CHIC1: variants seen among roughly 807,000 people sequenced by gnomAD.
The protein encoded by CHIC1 is cysteine rich hydrophobic domain 1.
CHIC1 carries 7 observed loss-of-function variants against 18.5 expected under a neutral mutation model. The observed-to-expected ratio is 0.38, with a 90% CI of 0.22 to 0.71. The LOEUF is 0.71. Among genes scored for constraint, CHIC1 ranks in the 30% least tolerant of loss-of-function variants. The pLI is 0.49. For missense variants in CHIC1, 159 were observed against 176.9 expected, an observed-to-expected ratio of 0.90 and a Z score of 0.57; for synonymous variants, 77 against 73.5, an observed-to-expected ratio of 1.05 and a Z score of -0.25.
chrX:73,675,982 C>T (rs975006022), intron 3 of CHIC1, among the ~76,000 whole-genome samples: 1 of 111,004 alleles, frequency 9.0e-6, no homozygotes, highest in African/African-American at 3.3e-5. Flanking sequence ...ATTTCTCCTT[C>T]ACTTATGAAG....
chrX:73,644,443 T>C (rs1167922947), intron 3 of CHIC1, among the ~76,000 whole-genome samples: 1 of 112,566 alleles, frequency 8.9e-6, no homozygotes, highest in East Asian at 2.8e-4. Context: ...CTGCAGAGGT[T>C]ACTGCTGTCT....
In CHIC1 at chrX:73,563,377, G is replaced by A. The variant is rs1454372313; in HGVS notation, c.93G>A (p.Ser31=). 3.5e-6 allele frequency: 4 copies of A among 1,153,323 alleles called. No individual in the cohort carries two copies. The African/African-American group carries it at 7.4e-5, about 21-fold the overall frequency. ...AAGAAGCGGCAACGTCGTCGTCGTC[G>A]CCGTCGTCGTCGTCGTCGGTATCTG... ...EEEEAATSSS[S]PSSSSSVSGP... Residue 31 remains serine, a synonymous_variant, in exon 1 of 6, where the codon TCG becomes TCA. Transcript: ENST00000373502.
At chrX:73,581,896 C>T (rs1426742888) in intron 2 of CHIC1, among the ~76,000 whole-genome samples, 1 of 110,465 alleles carries the variant, frequency 9.1e-6, no homozygotes, top group African/African-American at 3.3e-5. Flanking sequence ...AATTTTATAA[C>T]AAATTTTATA....
intron 3 of CHIC1, among the ~76,000 whole-genome samples, chrX:73,659,378 T>C (rs2053506468): frequency 1.0e-5 from 1 of 97,545 alleles, no homozygotes; most frequent in African/African-American, 3.8e-5. Context: ...TTCTTTTTTT[T>C]TTTTTTTTTT....
chrX:73,601,744 A>G (rs1227864784), intron 3 of CHIC1, among the ~76,000 whole-genome samples: 1 of 105,826 alleles, frequency 9.4e-6, no homozygotes, highest in Non-Finnish European at 1.9e-5. Context: ...GACACAAAAA[A>G]CCCTTCAAAA....
chrX:73,579,679 C>T (rs1448099556), intron 2 of CHIC1, among the ~76,000 whole-genome samples: 1 of 110,173 alleles, frequency 9.1e-6, no homozygotes, highest in Non-Finnish European at 1.9e-5. Context: ...ACACAAAGAA[C>T]CCTTTGGTGT....
At chrX:73,618,270 C>G (rs1375279275) in intron 3 of CHIC1, among the ~76,000 whole-genome samples, 1 of 111,681 alleles carries the variant, frequency 9.0e-6, no homozygotes, top group African/African-American at 3.3e-5. Flanking sequence ...GGAGGTGGCA[C>G]TTTCAATAGA....
rs186713071 is a variant in CHIC1 at position 73,615,662 on chromosome X, G to A, written c.507+31090G>A. Among the ~76,000 whole-genome samples, 5 of 111,293 alleles carry A rather than the reference G, an allele frequency of 4.5e-5. No individual in the cohort carries two copies. In the East Asian group the frequency reaches 1.4e-3, roughly 32 times the overall value. On this transcript the variant is annotated intron_variant, in intron 3 of 5. Coordinates refer to ENST00000373502, the MANE Select transcript of CHIC1 (RefSeq NM_001039840.4). The stretch of plus-strand genomic sequence containing the variant: ...GCTGGAAAATGTGCTTGGGCACTTG[G>A]GGGGTGGGGTTGGTGGAGCTGGTCC...
chrX:73,677,916 CTT>C (rs772393452), intron 3 of CHIC1, among the ~76,000 whole-genome samples: 1 of 111,109 alleles, frequency 9.0e-6, no homozygotes, highest in Non-Finnish European at 1.9e-5. Context: ...TTTTTAATGC[CTT>C]TTTCAGGAAT....
chrX:73,659,689 A>G (rs1257435330), intron 3 of CHIC1, among the ~76,000 whole-genome samples: 1 of 111,861 alleles, frequency 8.9e-6, no homozygotes, highest in Non-Finnish European at 1.9e-5. Context: ...TGGTTCCCAT[A>G]AGGAAAACAT....
intron 1 of CHIC1, among the ~76,000 whole-genome samples, chrX:73,569,841 GC>G (rs1172954690): frequency 9.0e-6 from 1 of 111,502 alleles, no homozygotes; most frequent in African/African-American, 3.2e-5. Flanking sequence ...AGAGTATCAA[GC>G]CTACTTTGCC....
chrX:73,672,355 C>G (rs1044546805), intron 3 of CHIC1, among the ~76,000 whole-genome samples: 1 of 111,564 alleles, frequency 9.0e-6, no homozygotes, highest in East Asian at 2.9e-4. Context: ...CTGACTTCCA[C>G]AATGGTTGAA....
chrX:73,586,908 G>A (rs182801735), intron 3 of CHIC1, among the ~76,000 whole-genome samples: 1 of 111,803 alleles, frequency 8.9e-6, no homozygotes, highest in East Asian at 2.9e-4. Flanking sequence ...TTTAGCCTTT[G>A]TGAGCCAGAG....
intron 3 of CHIC1, among the ~76,000 whole-genome samples, chrX:73,640,727 AT>A (rs2057851682): frequency 9.0e-6 from 1 of 111,148 alleles, no homozygotes; most frequent in Non-Finnish European, 1.9e-5. Context: ...AATTGTATTT[AT>A]TTGGATCTCT....
intron 3 of CHIC1, among the ~76,000 whole-genome samples, chrX:73,619,414 G>T (rs945484038): frequency 5.4e-5 from 6 of 110,639 alleles, no homozygotes; most frequent in African/African-American, 2.0e-4. Context: ...GATCAGTAAT[G>T]ATTTACTCCT....
At chrX:73,674,907 T>A (rs1441585456) in intron 3 of CHIC1, among the ~76,000 whole-genome samples, 2 of 111,962 alleles carry the variant, frequency 1.8e-5, no homozygotes, top group Admixed American at 9.5e-5. Flanking sequence ...CTGCTTTGAA[T>A]GTGTCCCAGA....
chrX:73,670,948 G>A (rs1224733061), intron 3 of CHIC1, among the ~76,000 whole-genome samples: 1 of 112,059 alleles, frequency 8.9e-6, no homozygotes, highest in Non-Finnish European at 1.9e-5. Context: ...CATGGAAAAT[G>A]TTCCATGTGC....
At chrX:73,569,968 C>T (rs1010631595) in intron 1 of CHIC1, among the ~76,000 whole-genome samples, 1 of 111,057 alleles carries the variant, frequency 9.0e-6, no homozygotes, top group African/African-American at 3.3e-5. Flanking sequence ...AAAAGGAAAT[C>T]CCTTTATATA....
At chrX:73,607,756 C>T (rs778119832) in intron 3 of CHIC1, among the ~76,000 whole-genome samples, 9 of 107,968 alleles carry the variant, frequency 8.3e-5, no homozygotes, top group Admixed American at 1.9e-4. Flanking sequence ...TTCCCTGACC[C>T]CTTGTGCTTC....
Sources: gnomAD v4.1 joint callset for allele counts (sites outside exome capture counted in the v4.1 genomes callset) on GRCh38, gnomAD v4.1.1 for gene constraint, MANE v1.5 for transcripts, NCBI Gene and HGNC (gene_info 2026-07-23, HGNC 2026-07-21) for gene names.